DMXL1: variants seen among roughly 807,000 people sequenced by gnomAD.
The protein encoded by DMXL1 is dmX-like protein 1.
In DMXL1, 99 loss-of-function variants were observed where a neutral mutation model predicts 319.2. The ratio of observed to expected loss-of-function variants is 0.31; its 90% CI spans 0.26 to 0.37. DMXL1 has a LOEUF of 0.37. Ranked by LOEUF, DMXL1 falls within the 10% of genes least tolerant of loss-of-function variation. DMXL1 has a pLI of 1.00. For missense variants in DMXL1, 3,745 were observed against 3,595.6 expected, an observed-to-expected ratio of 1.04 and a Z score of -1.06; for synonymous variants, 1,385 against 1,235.2, an observed-to-expected ratio of 1.12 and a Z score of -2.54.
At position 119,149,170 on chromosome 5, in the gene DMXL1, A is replaced by G. The variant is rs1418216975; in HGVS notation, c.3343A>G (p.Asn1115Asp). Residue 1115 changes from asparagine to aspartate, a missense_variant, in exon 18 of 44, where the codon AAT becomes GAT. By Grantham distance (23) the Asn-to-Asp change is conservative. Around this residue, in one of 4 missense-constraint regions of DMXL1, gnomAD observed 2,096 missense variants for 1,985.4 expected, o/e 1.06. Coordinates refer to ENST00000539542, the MANE Select transcript of DMXL1 (RefSeq NM_001290321.3). The stretch of plus-strand genomic sequence containing the variant: ...GGATTCTGGCATTAGTGTTGATAGC[A>G]ATTTAGTGGCCTATAATAAACAAGA... ...VLDSGISVDSNLVAYNKQDMY... is the reference protein window; with the variant it reads ...VLDSGISVDSDLVAYNKQDMY... 1.9e-6 allele frequency: 3 copies of G among 1,613,756 alleles called. No homozygotes were observed. The highest frequency in any genetic ancestry group is 1.7e-6 in the Non-Finnish European group (2 of 1,179,860).
intron 19 of DMXL1, among the ~76,000 whole-genome samples, chr5:119,160,346 A>G (rs926705972): frequency 6.6e-6 from 1 of 152,150 alleles, no homozygotes; most frequent in Non-Finnish European, 1.5e-5. Flanking sequence ...GACTTTTCCA[A>G]GATTTCTCCT....
At chr5:119,243,527 C>T (rs574948650) in intron 42 of DMXL1, among the ~76,000 whole-genome samples, 7 of 152,164 alleles carry the variant, frequency 4.6e-5, no homozygotes, top group Middle Eastern at 3.4e-3. Context: ...ATTTGTTAGG[C>T]TGGACTCTTT....
At chr5:119,095,051 T>C (rs2149765921) in intron 1 of DMXL1, among the ~76,000 whole-genome samples, 1 of 152,228 alleles carries the variant, frequency 6.6e-6, no homozygotes, top group South Asian at 2.1e-4. Flanking sequence ...GAGCTGGTTT[T>C]GCCATGTTGC....
intron 25 of DMXL1, among the ~76,000 whole-genome samples, chr5:119,172,752 G>A (rs1354160755): frequency 6.6e-6 from 1 of 151,216 alleles, no homozygotes; most frequent in Non-Finnish European, 1.5e-5. Context: ...TTTTTTAATA[G>A]TCTATCATGT....
At chr5:119,172,230 A>G (rs1373678474) in intron 25 of DMXL1, among the ~76,000 whole-genome samples, 1 of 152,204 alleles carries the variant, frequency 6.6e-6, no homozygotes, top group Non-Finnish European at 1.5e-5. Context: ...TTTAAGAAAA[A>G]TAGGTACGTA....
intron 13 of DMXL1, among the ~76,000 whole-genome samples, chr5:119,136,924 T>G (rs900884887): frequency 5.9e-5 from 9 of 152,168 alleles, no homozygotes; most frequent in African/African-American, 2.2e-4. Flanking sequence ...AGTTGGAGCG[T>G]CCCACAGAGT....
At position 119,147,343 on chromosome 5, in the gene DMXL1, A is replaced by G. The variant is rs1167223572; in HGVS notation, c.2784A>G (p.Gln928=). ...SPEKILSPFS[Q]KYQACRANLQ... ...AGAAGATCCTATCTCCTTTTTCACA[A>G]AAGTATCAGGCTTGCAGAGCAAATC... The change falls in exon 17 of 44, where the codon CAA becomes CAG. Residue 928 remains glutamine (Q), a synonymous_variant. Transcript: ENST00000539542. The G allele has an allele frequency of 1.2e-6, 2 of 1,613,512 alleles. No homozygotes were observed. Among genetic ancestry groups the G allele is most frequent in the East Asian group, 2.2e-5 (1 of 44,850 alleles).
intron 9 of DMXL1, among the ~76,000 whole-genome samples, chr5:119,126,398 A>G (rs769503634): frequency 3.9e-5 from 6 of 152,228 alleles, no homozygotes; most frequent in Non-Finnish European, 8.8e-5. Flanking sequence ...ATCCTCATTG[A>G]AAACCTTGCA....
chr5:119,201,246 A>G (rs1780655744), intron 32 of DMXL1, among the ~76,000 whole-genome samples: 1 of 152,174 alleles, frequency 6.6e-6, no homozygotes, highest in African/African-American at 2.4e-5. Context: ...TGTTCTTTCA[A>G]TACCTAGCTT....
intron 1 of DMXL1, among the ~76,000 whole-genome samples, chr5:119,090,943 G>A (rs900540888): frequency 3.2e-4 from 48 of 151,764 alleles, no homozygotes; most frequent in Non-Finnish European, 1.9e-4. Flanking sequence ...TCTATGGAGA[G>A]CCTCTAATGA....
At position 119,150,437 on chromosome 5, in the gene DMXL1, G is replaced by A. The variant is rs199787562; in HGVS notation, c.4594+16G>A. ...AGAAGCCAAGGTAAAACTAAACTCC[G>A]TACTGATAACATTTTTACTTACTTT... On this transcript the variant is annotated intron_variant, in intron 18 of 43. Coordinates refer to ENST00000539542, the MANE Select transcript of DMXL1 (RefSeq NM_001290321.3). 2.8e-4 allele frequency: 443 copies of A among 1,566,108 alleles called. 1 individual carries two copies. In the African/African-American group the frequency reaches 4.1e-3, roughly 15 times the overall value.
At position 119,105,167 on chromosome 5, in the gene DMXL1, T is replaced by C. The variant is rs201349415; in HGVS notation, c.286-13T>C. On this transcript the variant is annotated splice_polypyrimidine_tract_variant and intron_variant, in intron 3 of 43. Transcript: ENST00000539542. ...CCAATCATAATGGGCTAAATGACTT[T>C]TCTTAATTTTAGGAATTATATAGTC... 14 of 1,581,658 alleles carry C rather than the reference T, an allele frequency of 8.9e-6. No individual in the cohort carries two copies. The highest frequency in any genetic ancestry group is 1.1e-5 in the Non-Finnish European group (13 of 1,151,092).
At chr5:119,201,265 T>C (rs1218822912) in intron 32 of DMXL1, among the ~76,000 whole-genome samples, 2 of 150,858 alleles carry the variant, frequency 1.3e-5, no homozygotes, top group Non-Finnish European at 1.5e-5. Flanking sequence ...TTATTGAGAG[T>C]TTTTACATGG....
intron 34 of DMXL1, among the ~76,000 whole-genome samples, chr5:119,210,410 T>TA (rs1782544453): frequency 1.3e-5 from 2 of 152,236 alleles, no homozygotes; most frequent in Admixed American, 6.5e-5. Context: ...GTTTCAGTAT[T>TA]ACATTTAGGT....
chr5:119,164,462 G>T, intron 19 of DMXL1, 45 bp from the exon 20 acceptor site: 1 of 1,504,342 alleles, frequency 6.6e-7, no homozygotes. Context: ...AATCATATAA[G>T]CATATTTATA....
chr5:119,205,486 A>G (rs1190448115), intron 33 of DMXL1, among the ~76,000 whole-genome samples: 1 of 152,084 alleles, frequency 6.6e-6, no homozygotes, highest in Non-Finnish European at 1.5e-5. Flanking sequence ...ATGTTGGACT[A>G]ACAGTTTTGT....
In DMXL1 at chr5:119,149,722, G is replaced by T. The variant is rs183376536; in HGVS notation, c.3895G>T (p.Ala1299Ser). Reference sequence around the variant, plus strand: ...ACAGAAAATCTGTGGAAAGAAAACTGCATTCGATCCTTCAGTGGATATGGA... The same window carrying T: ...ACAGAAAATCTGTGGAAAGAAAACTTCATTCGATCCTTCAGTGGATATGGA... ...LAQKICGKKTAFDPSVDMEDS... is the reference protein window; with the variant it reads ...LAQKICGKKTSFDPSVDMEDS... The change falls in exon 18 of 44, where the codon GCA becomes TCA. Residue 1299 changes from alanine (A) to serine (S), a missense_variant. Ala to Ser is a moderately conservative substitution (Grantham distance 99, BLOSUM62 1). Transcript: ENST00000539542. 2.0e-5 allele frequency: 32 copies of T among 1,613,972 alleles called. No homozygotes were observed. The African/African-American group carries it at 3.6e-4, about 18-fold the overall frequency.
chr5:119,171,594 A>G (rs1029997114), intron 24 of DMXL1, among the ~76,000 whole-genome samples, 184 bp from the exon 25 acceptor site: 2 of 151,960 alleles, frequency 1.3e-5, no homozygotes, highest in Non-Finnish European at 2.9e-5. Flanking sequence ...GTGCCCCTAA[A>G]TGTCTTATTT....
intron 1 of DMXL1, among the ~76,000 whole-genome samples, chr5:119,076,997 A>G (rs1751024627): frequency 6.6e-6 from 1 of 152,178 alleles, no homozygotes; most frequent in African/African-American, 2.4e-5. Flanking sequence ...CTGATTACAG[A>G]TCTTTTATTA....
Sources: gnomAD v4.1 joint callset for allele counts (sites outside exome capture counted in the v4.1 genomes callset) on GRCh38, gnomAD v4.1.1 for gene constraint, gnomAD v4.1.1 regional missense constraint, MANE v1.5 for transcripts, NCBI Gene and HGNC (gene_info 2026-07-23, HGNC 2026-07-21) for gene names.